SH3TC1: variants seen among roughly 807,000 people sequenced by gnomAD.
The protein encoded by SH3TC1 is SH3 domain and tetratricopeptide repeat-containing protein 1.
In SH3TC1, 135 loss-of-function variants were observed where a neutral mutation model predicts 117.3. The ratio of observed to expected loss-of-function variants is 1.15; its 90% confidence interval spans 1.00 to 1.33. The LOEUF (loss-of-function observed/expected upper bound fraction) is 1.33. Among genes scored for constraint, SH3TC1 ranks in the 40% most tolerant of loss-of-function variants. The pLI, the probability that SH3TC1 is intolerant of heterozygous loss-of-function variation, is 0.00. For missense variants in SH3TC1, 2,092 were observed against 1,794.3 expected (o/e 1.17, Z -3.00); for synonymous variants, 898 against 816.9 (o/e 1.10, Z -1.69).
chr4:8,193,720 A>G (rs769469847), intron 1 of SH3TC1, among the ~76,000 whole-genome samples: 4 of 152,194 alleles, frequency 2.6e-5, no homozygotes, highest in Non-Finnish European at 4.4e-5. Context: ...GGGTGCTGCC[A>G]TCGCCAGTGG....
intron 5 of SH3TC1, chr4:8,215,078 G>A (rs1719123654): frequency 2.2e-6 from 1 of 448,108 alleles, no homozygotes; most frequent in Non-Finnish European, 4.5e-6. Flanking sequence ...GGTAGGCGGA[G>A]TCGTAGACGG....
chr4:8,213,393 A>C (rs1718923072), intron 4 of SH3TC1, among the ~76,000 whole-genome samples: 1 of 152,112 alleles, frequency 6.6e-6, no homozygotes, highest in Non-Finnish European at 1.5e-5. Context: ...TCAGCCACAT[A>C]CTGGGGATGC....
Position 8,228,014 on chromosome 4 carries a change from G to A in SH3TC1, c.2320G>A (p.Ala774Thr), listed in dbSNP as rs142010655. The stretch of plus-strand genomic sequence containing the variant: ...TTCCCACTACCTCAGGCAAGCGCTG[G>A]CCTCCCTGACCCCGGGCACAGGCCA... ...QTSHYLRQAL[A>T]SLTPGTGQAL... The change falls in exon 12 of 18, where the codon GCC becomes ACC. Residue 774 changes from alanine (A) to threonine (T), a missense_variant. Ala to Thr is a moderately conservative substitution (Grantham distance 58, BLOSUM62 0). Transcript: ENST00000245105. 27 of 1,611,540 alleles carry A rather than the reference G, an allele frequency of 1.7e-5. No individual in the cohort carries two copies. The Admixed American group carries it at 4.2e-4, about 25-fold the overall frequency.
At chr4:8,220,200 G>A (rs1243112359) in intron 9 of SH3TC1, among the ~76,000 whole-genome samples, 1 of 152,144 alleles carries the variant, frequency 6.6e-6, no homozygotes, top group Non-Finnish European at 1.5e-5. Context: ...CAGTACACAC[G>A]TCGCTCTCCT....
At chr4:8,185,063 C>A (rs576294680) in intron 1 of SH3TC1, among the ~76,000 whole-genome samples, 3 of 149,338 alleles carry the variant, frequency 2.0e-5, no homozygotes, top group Non-Finnish European at 3.0e-5. Flanking sequence ...ACATAGGGTG[C>A]GGTGGCTCAC....
In SH3TC1 at chr4:8,233,239, T is replaced by TGC. The variant is rs1721409709; in HGVS notation, c.3132-123_3132-122dup. 3 of 1,454,290 alleles carry TGC rather than the reference T, an allele frequency of 2.1e-6. No individual in the cohort carries two copies. The East Asian group carries it at 7.3e-5, about 35-fold the overall frequency. 90.1% of individuals were successfully genotyped at this position (1,454,290 alleles called of 1,614,324 possible). On this transcript the variant is annotated intron_variant, in intron 13 of 17. Coordinates refer to ENST00000245105, the MANE Select transcript of SH3TC1 (RefSeq NM_018986.5). Reference sequence around the variant, plus strand: ...CAGCAGCCCGGGAAGGGCAGGACACTGCACACACAAGAGGGCCGTTCCCAG... The same window carrying TGC: ...CAGCAGCCCGGGAAGGGCAGGACACTGCGCACACACAAGAGGGCCGTTCCCAG...
At chr4:8,204,932 G>A in intron 1 of SH3TC1, 1 of 348,006 alleles carries the variant, frequency 2.9e-6, no homozygotes, top group Non-Finnish European at 5.2e-6. Flanking sequence ...GCGAGAGGAG[G>A]CCCCGTGGAG....
intron 1 of SH3TC1, among the ~76,000 whole-genome samples, chr4:8,187,753 T>C (rs983463429): frequency 2.0e-5 from 3 of 152,084 alleles, no homozygotes; most frequent in African/African-American, 7.2e-5. Context: ...GGTTTCACCA[T>C]ATTGGCCAGG....
chr4:8,185,476 G>A (rs1040880942), intron 1 of SH3TC1, among the ~76,000 whole-genome samples: 6 of 151,826 alleles, frequency 4.0e-5, no homozygotes, highest in African/African-American at 7.3e-5. Context: ...GTGGCTCACC[G>A]ACTCAGCTCC....
At position 8,205,213 on chromosome 4, in the gene SH3TC1, G is replaced by T. The variant is rs1001471401; in HGVS notation, c.19G>T (p.Val7Leu). 4 of 1,543,136 alleles carry T rather than the reference G, an allele frequency of 2.6e-6. No individual in the cohort carries two copies. The highest frequency in any genetic ancestry group is 4.0e-5 in the Admixed American group (2 of 49,514). The change falls in exon 2 of 18, where the codon GTG (valine) becomes TTG (leucine). Residue 7 changes from valine to leucine, a missense_variant. Val to Leu is a conservative substitution (Grantham distance 32, BLOSUM62 1). Transcript: ENST00000245105. The surrounding 1 kb of genome is among the most constrained non-coding windows in gnomAD (Gnocchi z 5.4). MENLPA[V>L]TTEEPTPMGR... ...GCGGGTCATGGAGAACCTCCCTGCC[G>T]TGACCACTGAGGAGCCGACCCCCAT...
At chr4:8,234,803 A>G (rs1335269663) in intron 14 of SH3TC1, among the ~76,000 whole-genome samples, 1 of 152,238 alleles carries the variant, frequency 6.6e-6, no homozygotes, top group African/African-American at 2.4e-5. Context: ...GCACATGCTC[A>G]AATAATGTGG....
chr4:8,223,601 G>C (rs1425783466), intron 10 of SH3TC1, among the ~76,000 whole-genome samples: 1 of 151,466 alleles, frequency 6.6e-6, no homozygotes, highest in African/African-American at 2.4e-5. Context: ...GCTGGGTGTA[G>C]ATAAACACAA....
Position 8,206,013 on chromosome 4 carries a change from C to G in SH3TC1, c.172+647C>G. 3.1e-6 allele frequency: 1 copy of G among 326,968 alleles called. No individual in the cohort carries two copies. Among genetic ancestry groups the G allele is most frequent in the Non-Finnish European group, 5.7e-6 (1 of 176,572 alleles). 20.3% of individuals were successfully genotyped at this position (326,968 alleles called of 1,614,324 possible). A position where few individuals can be genotyped will look rare whatever the true frequency, so the allele number is the denominator to read the frequency against. On this transcript the variant is annotated intron_variant, in intron 2 of 17. Transcript: ENST00000245105. This position sits in a 1 kb window ranked among gnomAD's most constrained non-coding sequence, Gnocchi z 5.5. ...CGTCCTCCCAGTGTCCAGCCTCAGC[C>G]CAGTCTCCTCTTAGCTGCCTATGTC...
At chr4:8,230,016 G>GA (rs1560108884) in intron 12 of SH3TC1, among the ~76,000 whole-genome samples, 1 of 138,164 alleles carries the variant, frequency 7.2e-6, no homozygotes, top group African/African-American at 2.6e-5. Context: ...GAGGAGACCG[G>GA]GGGCCAGGGG....
At chr4:8,237,950 GC>G (rs1219640780) in intron 17 of SH3TC1, among the ~76,000 whole-genome samples, 1 of 152,150 alleles carries the variant, frequency 6.6e-6, no homozygotes, top group Non-Finnish European at 1.5e-5. Context: ...AGTCAGGGGG[GC>G]CCTCCTGGAG....
intron 11 of SH3TC1, 40 bp from the exon 12 acceptor site, chr4:8,226,940 G>A: frequency 6.8e-7 from 1 of 1,467,914 alleles, no homozygotes; most frequent in South Asian, 1.4e-5. Context: ...AGGACTCACT[G>A]CTGGACTCTA....
chr4:8,220,898 G>A (rs1317001054), intron 9 of SH3TC1, among the ~76,000 whole-genome samples: 1 of 152,208 alleles, frequency 6.6e-6, no homozygotes, highest in Non-Finnish European at 1.5e-5. Flanking sequence ...CTGATGGCAG[G>A]AGCTAGACCA....
intron 9 of SH3TC1, among the ~76,000 whole-genome samples, chr4:8,220,289 A>G (rs1321882539): frequency 1.3e-5 from 2 of 151,794 alleles, no homozygotes; most frequent in Non-Finnish European, 2.9e-5. Context: ...GCCTTCCAAA[A>G]CTGCTCTGGG....
rs545034997 is a variant in SH3TC1 at position 8,210,705 on chromosome 4, A to G, written c.247+883A>G. Among the ~76,000 whole-genome samples, 59 of 129,906 alleles carry G rather than the reference A, an allele frequency of 4.5e-4. No homozygotes were observed. Among genetic ancestry groups the G allele is most frequent in the Non-Finnish European group, 7.0e-4 (45 of 63,830 alleles). 85.2% of individuals were successfully genotyped at this position (129,906 alleles called of 152,430 possible). A position where few individuals can be genotyped will look rare whatever the true frequency, so the allele number is the denominator to read the frequency against. ...TTGAACCCAGGAGGCAGAGGTAGTG[A>G]GCCGAGATTGCGCCATTGCACTCCA... is the stretch of plus-strand genomic sequence containing the variant. On this transcript the variant is annotated intron_variant, in intron 3 of 17. Transcript: ENST00000245105. The surrounding 1 kb of genome is among the most constrained non-coding windows in gnomAD (Gnocchi z 4.1).
Sources: gnomAD v4.1 joint callset for allele counts (sites outside exome capture counted in the v4.1 genomes callset) on GRCh38, gnomAD v4.1.1 for gene constraint, Gnocchi (gnomAD v3.1) non-coding constraint, MANE v1.5 for transcripts, NCBI Gene and HGNC (gene_info 2026-07-23, HGNC 2026-07-21) for gene names.